Variants in DAGLA observed in about 807,000 individuals in gnomAD.
The protein encoded by DAGLA is diacylglycerol lipase-alpha.
Under a neutral mutation model 102.6 loss-of-function variants are expected in DAGLA, and 22 were observed. That is an observed-to-expected ratio of 0.21 (90% confidence interval 0.15 to 0.31). The LOEUF (loss-of-function observed/expected upper bound fraction) is 0.31, where lower values mean the gene tolerates loss of function less well. DAGLA is among the 10% of genes least tolerant of loss of function. The probability of loss-of-function intolerance (pLI) is 1.00; values close to 1 mark genes in which losing one functional copy is unlikely to be tolerated. For synonymous variants in DAGLA, 578 were observed against 628.9 expected, an observed-to-expected ratio of 0.92 and a Z score of 1.21; for missense variants, 927 against 1,446.6, an observed-to-expected ratio of 0.64 and a Z score of 5.83.
At chr11:61,681,682 A>G (rs752732310) in intron 1 of DAGLA, among the ~76,000 whole-genome samples, 4 of 151,990 alleles carry the variant, frequency 2.6e-5, no homozygotes, top group Non-Finnish European at 5.9e-5. Flanking sequence ...TTCTGCAGCC[A>G]CTGGGAATCT....
In DAGLA at chr11:61,684,354, G is replaced by A. The variant is rs997288136; in HGVS notation, c.-45+3850G>A. ...CGGAGCCCAGGACATTGCAGGATGC[G>A]GTTACCTCCCCAGCGGATAGGGCTG... On this transcript the variant is annotated intron_variant, in intron 1 of 19. Transcript: ENST00000257215. The surrounding 1 kb of genome is among the most constrained non-coding windows in gnomAD (Gnocchi z 4.5). 6.6e-6 allele frequency among the ~76,000 whole-genome samples: 1 copy of A among 152,182 alleles called. No homozygotes were observed. Among genetic ancestry groups the A allele is most frequent in the Non-Finnish European group, 1.5e-5 (1 of 68,036 alleles).
At chr11:61,729,778 T>A (rs996094136) in intron 8 of DAGLA, among the ~76,000 whole-genome samples, 34 of 152,186 alleles carry the variant, frequency 2.2e-4, no homozygotes, top group Non-Finnish European at 3.7e-4. Flanking sequence ...CTCTTAGAAA[T>A]CTCAGTCCTT....
rs538603027 is a variant in DAGLA at position 61,744,710 on chromosome 11, G to C, written c.*221G>C. 148 of 533,102 alleles carry C rather than the reference G, an allele frequency of 2.8e-4. No individual in the cohort carries two copies. Among genetic ancestry groups the C allele is most frequent in the Non-Finnish European group, 4.4e-4 (133 of 303,842 alleles). The allele number at this position is 533,102 out of a possible 1,614,324, so 33.0% of individuals were successfully genotyped here. ...CTGGCCCCACAGATGGGGAAAGATG[G>C]GGAAGGGTGTGGAGTGGGGAGGAGC... is the stretch of plus-strand genomic sequence containing the variant. On this transcript the variant is annotated 3_prime_UTR_variant, in exon 20 of 20. Transcript: ENST00000257215.
chr11:61,731,505 G>A (rs937923335), intron 9 of DAGLA, 64 bp downstream of exon 9: 112 of 1,596,582 alleles, frequency 7.0e-5, no homozygotes, highest in Non-Finnish European at 9.4e-5. Context: ...TGTGAGGAAG[G>A]GCTACCGGGC....
intron 1 of DAGLA, among the ~76,000 whole-genome samples, chr11:61,705,930 G>A (rs1037210263): frequency 6.6e-6 from 1 of 152,210 alleles, no homozygotes; most frequent in African/African-American, 2.4e-5. Flanking sequence ...CACACCTGCC[G>A]AGGCCAGGAC....
chr11:61,696,397 C>T (rs903395373), intron 1 of DAGLA, among the ~76,000 whole-genome samples: 4 of 152,138 alleles, frequency 2.6e-5, no homozygotes, highest in South Asian at 2.1e-4. Context: ...CCCAGCCGTC[C>T]GTCCGTCAAG....
chr11:61,727,713 T>C (rs537987221), intron 6 of DAGLA, among the ~76,000 whole-genome samples: 15 of 152,300 alleles, frequency 9.8e-5, no homozygotes, highest in African/African-American at 3.6e-4. Flanking sequence ...ACAGAGGCCT[T>C]ACGAGGGACT....
Position 61,680,444 on chromosome 11 carries a change from G to T in DAGLA, c.-105G>T. On this transcript the variant is annotated 5_prime_UTR_variant, in exon 1 of 20. Coordinates refer to ENST00000257215, the MANE Select transcript of DAGLA (RefSeq NM_006133.3). ...AGCGGCGTTAGTGAATCGGGGCCTT[G>T]GGGAGCCCAGGATGGAGGTGGCGGT... 6.6e-6 allele frequency: 1 copy of T among 152,246 alleles called. No individual in the cohort carries two copies. The highest frequency in any genetic ancestry group is 1.9e-4 in the South Asian group (1 of 5,328). The allele number at this position is 152,246 out of a possible 1,614,324, so 9.4% of individuals were successfully genotyped here.
rs565483984 is a variant in DAGLA at position 61,683,502 on chromosome 11, A to G, written c.-45+2998A>G. On this transcript the variant is annotated intron_variant, in intron 1 of 19. Transcript: ENST00000257215. ...GCAGAGTCCATTAAGGAGGAAGCCT[A>G]CAGCCTCCCTGTTGTGAATATTCAG... Among the ~76,000 whole-genome samples the G allele has an allele frequency of 2.2e-4, 34 of 152,340 alleles. 1 individual carries two copies. The South Asian group carries it at 5.4e-3, about 24-fold the overall frequency.
chr11:61,746,916 T>G lies in DAGLA; in HGVS notation c.*2427T>G, dbSNP rs2065546361. On this transcript the variant is annotated 3_prime_UTR_variant, in exon 20 of 20. Coordinates refer to ENST00000257215, the MANE Select transcript of DAGLA (RefSeq NM_006133.3). The stretch of plus-strand genomic sequence containing the variant: ...TATTGCTGTAAAAAGGAGAGACAAA[T>G]TAATATAGCTTATTCTATAAATATA... 1 of 152,582 alleles carries G rather than the reference T, an allele frequency of 6.6e-6. No individual in the cohort carries two copies. Among genetic ancestry groups the G allele is most frequent in the African/African-American group, 2.4e-5 (1 of 41,456 alleles). The allele number at this position is 152,582 out of a possible 1,614,324, so 9.5% of individuals were successfully genotyped here. A position where few individuals can be genotyped will look rare whatever the true frequency, so the allele number is the denominator to read the frequency against.
Position 61,744,906 on chromosome 11 carries a change from T to A in DAGLA, c.*417T>A, listed in dbSNP as rs938824501. 1.1e-5 allele frequency: 2 copies of A among 177,304 alleles called. No homozygotes were observed. The highest frequency in any genetic ancestry group is 4.8e-5 in the African/African-American group (2 of 42,020). 11.0% of individuals were successfully genotyped at this position (177,304 alleles called of 1,614,324 possible). ...GTGCCCCCCGACACATGTATTCTCA[T>A]CTGTGGTCCAGGCCGGCATCGTCCT... is the stretch of plus-strand genomic sequence containing the variant. On this transcript the variant is annotated 3_prime_UTR_variant, in exon 20 of 20. Coordinates refer to ENST00000257215, the MANE Select transcript of DAGLA (RefSeq NM_006133.3).
intron 1 of DAGLA, among the ~76,000 whole-genome samples, chr11:61,685,298 G>GA (rs1458137090): frequency 2.6e-5 from 4 of 152,272 alleles, no homozygotes; most frequent in Admixed American, 6.5e-5. Flanking sequence ...AACACGCACT[G>GA]AAAAAATGTT....
At chr11:61,703,964 G>C (rs965756081) in intron 1 of DAGLA, among the ~76,000 whole-genome samples, 5 of 152,206 alleles carry the variant, frequency 3.3e-5, no homozygotes, top group African/African-American at 1.2e-4. Flanking sequence ...CAAAGAGTAA[G>C]ACCCCATGGG....
At chr11:61,699,015 G>A (rs1314168453) in intron 1 of DAGLA, among the ~76,000 whole-genome samples, 2 of 152,234 alleles carry the variant, frequency 1.3e-5, no homozygotes, top group Non-Finnish European at 2.9e-5. Context: ...GCTCAACTGT[G>A]GTGCACAGCA....
chr11:61,706,062 G>A (rs1214503939), intron 1 of DAGLA, among the ~76,000 whole-genome samples: 4 of 152,218 alleles, frequency 2.6e-5, no homozygotes, highest in East Asian at 1.9e-4. Flanking sequence ...GAATGAAATC[G>A]TCAAGGACTC....
chr11:61,720,062 G>C (rs966901595), intron 1 of DAGLA, 50 bp from the exon 2 acceptor site: 6 of 1,300,768 alleles, frequency 4.6e-6, no homozygotes, highest in African/African-American at 4.3e-5. Context: ...CAGTGGCCCT[G>C]GGTGCCTTCA....
chr11:61,746,342 A>T lies in DAGLA; in HGVS notation c.*1853A>T, dbSNP rs545571620. ...AGTGGCTCTTAGAGTTTAGAAAACAAGACAGACTCTCAGATGAAAGATCTG... is the reference window on the plus strand; with the variant it reads ...AGTGGCTCTTAGAGTTTAGAAAACATGACAGACTCTCAGATGAAAGATCTG... On this transcript the variant is annotated 3_prime_UTR_variant, in exon 20 of 20. Coordinates refer to ENST00000257215, the MANE Select transcript of DAGLA (RefSeq NM_006133.3). The T allele has an allele frequency of 6.6e-6, 1 of 152,640 alleles. No homozygotes were observed. Among genetic ancestry groups the T allele is most frequent in the African/African-American group, 2.4e-5 (1 of 41,596 alleles). The allele number at this position is 152,640 out of a possible 1,614,324, so 9.5% of individuals were successfully genotyped here. A position where few individuals can be genotyped will look rare whatever the true frequency, so the allele number is the denominator to read the frequency against.
chr11:61,744,456 C>T lies in DAGLA; in HGVS notation c.3096C>T (p.Ala1032=), dbSNP rs1383788848. Residue 1032 remains alanine (A), a synonymous_variant, in exon 20 of 20, where the codon GCC becomes GCT. Coordinates refer to ENST00000257215, the MANE Select transcript of DAGLA (RefSeq NM_006133.3). ...CCACTGGCCACGGAGCCAGCCCCGC[C>T]AAGCAAGATGAGCTGGTCATCTCAG... ...STPTGHGASP[A]KQDELVISAR 6.3e-7 allele frequency: 1 copy of T among 1,586,598 alleles called. No individual in the cohort carries two copies. Among genetic ancestry groups the T allele is most frequent in the South Asian group, 1.1e-5 (1 of 88,146 alleles).
chr11:61,708,707 C>G (rs530281263), intron 1 of DAGLA, among the ~76,000 whole-genome samples: 1 of 152,324 alleles, frequency 6.6e-6, no homozygotes, highest in Non-Finnish European at 1.5e-5. Flanking sequence ...TTTTAACTCG[C>G]TTTGTCCTCC....
Sources: allele counts gnomAD v4.1 joint callset (sites outside exome capture counted in the v4.1 genomes callset), GRCh38; gene constraint gnomAD v4.1.1; non-coding constraint Gnocchi (gnomAD v3.1); transcripts MANE v1.5; gene names NCBI Gene and HGNC (gene_info 2026-07-23, HGNC 2026-07-21).